SNED1: variants seen among roughly 807,000 people sequenced by gnomAD.
SNED1 encodes the protein sushi, nidogen and EGF-like domain-containing protein 1.
Under a neutral mutation model 166.7 loss-of-function variants are expected in SNED1, and 81 were observed. The ratio of observed to expected loss-of-function variants is 0.49; its 90% CI spans 0.41 to 0.58. The LOEUF (loss-of-function observed/expected upper bound fraction) is 0.58. Ranked by LOEUF, SNED1 falls within the 20% of genes least tolerant of loss-of-function variation. The probability of loss-of-function intolerance (pLI) is 0.00; values close to 1 mark genes in which losing one functional copy is unlikely to be tolerated. For synonymous variants in SNED1, 762 were observed against 822.0 expected (o/e 0.93, Z 1.25); for missense variants, 1,604 against 2,000.2 (o/e 0.80, Z 3.78).
Position 241,065,664 on chromosome 2 carries a change from C to T in SNED1, c.3010+69C>T. The stretch of plus-strand genomic sequence containing the variant: ...CTCGAGGGCAGCGCTGGCCCCGGCA[C>T]CTGCAGGGCGGCTGTCATGCCGTCC... On this transcript the variant is annotated intron_variant, in intron 21 of 31. Transcript: ENST00000310397. 9.6e-6 allele frequency: 13 copies of T among 1,360,420 alleles called. No individual in the cohort carries two copies. The South Asian group carries it at 1.7e-4, about 18-fold the overall frequency. 84.3% of individuals were successfully genotyped at this position (1,360,420 alleles called of 1,614,324 possible). A position where few individuals can be genotyped will look rare whatever the true frequency, so the allele number is the denominator to read the frequency against.
chr2:241,073,676 G>C lies in SNED1; in HGVS notation c.3916+312G>C. The C allele has an allele frequency of 2.1e-6, 1 of 476,932 alleles. No homozygotes were observed. Among genetic ancestry groups the C allele is most frequent in the Middle Eastern group, 5.4e-4 (1 of 1,836 alleles). The allele number at this position is 476,932 out of a possible 1,614,324, so 29.5% of individuals were successfully genotyped here. A position where few individuals can be genotyped will look rare whatever the true frequency, so the allele number is the denominator to read the frequency against. ...CTCCTTCGCCTCCACATGCAGCAGA[G>C]CCCACCCCAGCCCCTGCCTCTGGGC... On this transcript the variant is annotated intron_variant, in intron 27 of 31. Transcript: ENST00000310397. This position sits in a 1 kb window ranked among gnomAD's most constrained non-coding sequence, Gnocchi z 6.6.
At chr2:241,004,664 A>G (rs755540742) in intron 1 of SNED1, among the ~76,000 whole-genome samples, 3 of 152,134 alleles carry the variant, frequency 2.0e-5, no homozygotes, top group Non-Finnish European at 4.4e-5. Context: ...CCCTCATGCT[A>G]TTGTTGTCAT....
chr2:241,084,593 T>C (rs1300691491), intron 29 of SNED1, among the ~76,000 whole-genome samples: 1 of 152,222 alleles, frequency 6.6e-6, no homozygotes, highest in Non-Finnish European at 1.5e-5. Flanking sequence ...ATTATCAGAC[T>C]TTTTCCTTCC....
intron 1 of SNED1, among the ~76,000 whole-genome samples, chr2:241,020,595 G>T (rs976418192): frequency 3.3e-5 from 5 of 152,188 alleles, no homozygotes; most frequent in Non-Finnish European, 7.3e-5. Flanking sequence ...GACCTGTTGG[G>T]CGCTGCCCTT....
At chr2:241,088,507 C>A in intron 31 of SNED1, 105 bp downstream of exon 31, 1 of 939,256 alleles carries the variant, frequency 1.1e-6, no homozygotes, top group Non-Finnish European at 1.7e-6. Context: ...TTACTCAGCA[C>A]TGCTAAAGGA....
chr2:241,053,410 G>T, intron 16 of SNED1, 84 bp downstream of exon 16: 1 of 1,394,954 alleles, frequency 7.2e-7, no homozygotes, highest in Non-Finnish European at 9.6e-7. Flanking sequence ...AGGGGCTGCA[G>T]GCCCAAGCCT....
intron 26 of SNED1, chr2:241,072,379 C>CG (rs2062775803): frequency 2.7e-6 from 1 of 367,022 alleles, no homozygotes; most frequent in Non-Finnish European, 5.3e-6. Flanking sequence ...GGGTGAGTGC[C>CG]GCTCTGGGAA....
chr2:241,090,563 G>C (rs1193268364), intron 31 of SNED1: 1 of 1,235,592 alleles, frequency 8.1e-7, no homozygotes, highest in East Asian at 2.6e-5. Context: ...ACACAGGGCA[G>C]TGCAGTAGGT....
intron 8 of SNED1, among the ~76,000 whole-genome samples, chr2:241,047,520 A>G (rs2061685193): frequency 6.6e-6 from 1 of 152,264 alleles, no homozygotes; most frequent in Non-Finnish European, 1.5e-5. Context: ...CGTTATTCTC[A>G]AGTGCTCTTG....
At position 241,030,570 on chromosome 2, in the gene SNED1, C is replaced by T; in HGVS notation, c.500C>T (p.Pro167Leu). The change falls in exon 2 of 32, where the codon CCT becomes CTT. Residue 167 changes from proline to leucine, a missense_variant and splice_region_variant. Transcript: ENST00000310397. ...VTFFGGSSSS[P>L]VNTFQTVLIT... ...TTCTTTGGAGGCAGTTCCTCATCCC[C>T]TGTGAGTCCAGGCACTTGTCCTGGG... 1 of 1,613,394 alleles carries T rather than the reference C, an allele frequency of 6.2e-7. No homozygotes were observed. The highest frequency in any genetic ancestry group is 8.5e-7 in the Non-Finnish European group (1 of 1,179,594).
chr2:241,047,168 AAG>A (rs1553568318), intron 8 of SNED1, among the ~76,000 whole-genome samples: 5 of 94,588 alleles, frequency 5.3e-5, no homozygotes, highest in African/African-American at 1.8e-4. Context: ...AAAAAAAAAA[AAG>A]TAAATTAGGT....
chr2:241,094,768 A>T lies in SNED1; in HGVS notation c.*3132A>T, dbSNP rs2064281770. The T allele has an allele frequency of 5.9e-6, 1 of 169,588 alleles. No homozygotes were observed. Among genetic ancestry groups the T allele is most frequent in the African/African-American group, 2.4e-5 (1 of 41,508 alleles). 10.5% of individuals were successfully genotyped at this position (169,588 alleles called of 1,614,324 possible). A position where few individuals can be genotyped will look rare whatever the true frequency, so the allele number is the denominator to read the frequency against. ...CCTGGCCTCTACCCACTAGAATCCT[A>T]CAATCTACCAGATCCTAGGATCTAG... On this transcript the variant is annotated 3_prime_UTR_variant, in exon 32 of 32. Transcript: ENST00000310397. This position sits in a 1 kb window ranked among gnomAD's most constrained non-coding sequence, Gnocchi z 4.3.
chr2:241,087,243 C>A, intron 29 of SNED1, 149 bp from the exon 30 acceptor site: 1 of 630,010 alleles, frequency 1.6e-6, no homozygotes, highest in Non-Finnish European at 2.8e-6. Context: ...CATTTTAATA[C>A]ATCAATAGGA....
chr2:241,070,750 G>A (rs2062669193), intron 24 of SNED1, among the ~76,000 whole-genome samples: 1 of 152,190 alleles, frequency 6.6e-6, no homozygotes, highest in Non-Finnish European at 1.5e-5. Context: ...CCAGGGTCCC[G>A]AACGCCCCAC....
intron 16 of SNED1, among the ~76,000 whole-genome samples, chr2:241,055,710 TCTCA>T (rs1293747918): frequency 1.3e-5 from 2 of 152,178 alleles, no homozygotes; most frequent in African/African-American, 4.8e-5. Flanking sequence ...GAGAGTAAGT[TCTCA>T]GCACCTACCA....
chr2:241,017,992 C>T (rs2060649938), intron 1 of SNED1, among the ~76,000 whole-genome samples: 1 of 152,136 alleles, frequency 6.6e-6, no homozygotes, highest in Non-Finnish European at 1.5e-5. Flanking sequence ...AATTGAAAGT[C>T]TCATGTCCCG....
chr2:241,002,537 G>A (rs2060106935), intron 1 of SNED1, among the ~76,000 whole-genome samples: 1 of 152,152 alleles, frequency 6.6e-6, no homozygotes. Context: ...GAAGCAGATG[G>A]AAGGGGATCC....
Position 240,998,739 on chromosome 2 carries a change from C to A in SNED1, c.-99C>A. On this transcript the variant is annotated 5_prime_UTR_variant, in exon 1 of 32. Transcript: ENST00000310397. ...CGCGGCCAGCGGGCGCGCCCGCGCT[C>A]CCCGCACCCCGCCTGGCCCTGCCGG... is the stretch of plus-strand genomic sequence containing the variant. 1 of 440,368 alleles carries A rather than the reference C, an allele frequency of 2.3e-6. No individual in the cohort carries two copies. Among genetic ancestry groups the A allele is most frequent in the Non-Finnish European group, 3.0e-6 (1 of 332,942 alleles). The allele number at this position is 440,368 out of a possible 1,614,324, so 27.3% of individuals were successfully genotyped here.
chr2:241,007,230 C>G (rs1330140107), intron 1 of SNED1, among the ~76,000 whole-genome samples: 1 of 152,150 alleles, frequency 6.6e-6, no homozygotes, highest in Non-Finnish European at 1.5e-5. Flanking sequence ...ACAGCTTATT[C>G]TCATATCCTC....
Sources: gnomAD v4.1 joint callset for allele counts (sites outside exome capture counted in the v4.1 genomes callset) on GRCh38, gnomAD v4.1.1 for gene constraint, Gnocchi (gnomAD v3.1) non-coding constraint, MANE v1.5 for transcripts, NCBI Gene and HGNC (gene_info 2026-07-23, HGNC 2026-07-21) for gene names.